Variants in BMP2K observed in about 807,000 individuals in gnomAD.
BMP2K encodes BMP-2-inducible protein kinase.
BMP2K carries 74 observed loss-of-function variants against 116.0 expected under a neutral mutation model. The observed-to-expected ratio is 0.64, with a 90% CI of 0.53 to 0.77. The LOEUF (loss-of-function observed/expected upper bound fraction) is 0.77, where lower values mean the gene tolerates loss of function less well. Ranked by LOEUF, BMP2K falls within the 30% of genes least tolerant of loss-of-function variation. BMP2K has a pLI of 0.00. For missense variants in BMP2K, 1,365 were observed against 1,403.6 expected (o/e 0.97, Z 0.44); for synonymous variants, 486 against 502.5 (o/e 0.97, Z 0.44).
At chr4:78,879,687 T>C (rs527886843) in intron 14 of BMP2K, 1 of 152,500 alleles carries the variant, frequency 6.6e-6, no homozygotes, top group South Asian at 2.1e-4. Context: ...AAAACAAGTG[T>C]GTTTTCCCCT....
intron 10 of BMP2K, among the ~76,000 whole-genome samples, chr4:78,866,421 G>A (rs989947924): frequency 6.6e-6 from 1 of 152,114 alleles, no homozygotes; most frequent in Admixed American, 6.5e-5. Flanking sequence ...ATGGTTAAGA[G>A]TGTACGTTTT....
At chr4:78,886,284 T>C (rs1242438028) in intron 14 of BMP2K, among the ~76,000 whole-genome samples, 1 of 152,200 alleles carries the variant, frequency 6.6e-6, no homozygotes, top group East Asian at 1.9e-4. Flanking sequence ...TACCTGATTG[T>C]TCTTTCCTAG....
intron 1 of BMP2K, among the ~76,000 whole-genome samples, chr4:78,798,074 C>T (rs1010076109): frequency 1.3e-5 from 2 of 152,156 alleles, no homozygotes; most frequent in African/African-American, 4.8e-5. Flanking sequence ...CCCTTGGCCT[C>T]CCAAAGTGTT....
intron 3 of BMP2K, among the ~76,000 whole-genome samples, chr4:78,841,081 G>C (rs1332334466): frequency 6.6e-6 from 1 of 152,132 alleles, no homozygotes; most frequent in African/African-American, 2.4e-5. Flanking sequence ...AGTTACACCT[G>C]AGTTTTCTGA....
Position 78,814,221 on chromosome 4 carries a change from C to G in BMP2K, c.179-11816C>G, listed in dbSNP as rs575915915. Among the ~76,000 whole-genome samples, 4 of 152,292 alleles carry G rather than the reference C, an allele frequency of 2.6e-5. No individual in the cohort carries two copies. In the East Asian group the frequency reaches 7.7e-4, roughly 29 times the overall value. ...CTTTTTGAGTTAAAAATGGCATTTTCTTTTTCTCATGCTCATGCCGTTGCA... is the reference window on the plus strand; with the variant it reads ...CTTTTTGAGTTAAAAATGGCATTTTGTTTTTCTCATGCTCATGCCGTTGCA... On this transcript the variant is annotated intron_variant, in intron 1 of 15. Coordinates refer to ENST00000502613, the MANE Select transcript of BMP2K (RefSeq NM_198892.2).
intron 5 of BMP2K, among the ~76,000 whole-genome samples, chr4:78,846,500 T>C (rs1731006460): frequency 6.6e-6 from 1 of 151,678 alleles, no homozygotes; most frequent in Admixed American, 6.6e-5. Flanking sequence ...TCCATTCATC[T>C]TCTGAGCATT....
At chr4:78,792,656 A>G (rs1163561226) in intron 1 of BMP2K, among the ~76,000 whole-genome samples, 1 of 151,996 alleles carries the variant, frequency 6.6e-6, no homozygotes, top group African/African-American at 2.4e-5. Context: ...TAATATGAAC[A>G]AATGTGATTT....
At chr4:78,794,657 G>A (rs1578472255) in intron 1 of BMP2K, among the ~76,000 whole-genome samples, 1 of 151,978 alleles carries the variant, frequency 6.6e-6, no homozygotes, top group South Asian at 2.1e-4. Context: ...TGACCTCCCG[G>A]GCTCAAGCGA....
intron 1 of BMP2K, among the ~76,000 whole-genome samples, chr4:78,780,716 G>A (rs150226252): frequency 2.3e-4 from 35 of 152,280 alleles, no homozygotes; most frequent in African/African-American, 7.7e-4. Flanking sequence ...GCACTGCTAG[G>A]TGCTACTTAA....
rs958157640 is a variant in BMP2K at position 78,870,715 on chromosome 4, A to T, written c.1232-68A>T. On this transcript the variant is annotated intron_variant, in intron 10 of 15. Coordinates refer to ENST00000502613, the MANE Select transcript of BMP2K (RefSeq NM_198892.2). ...TAGTTAAATTATTATTGAAATGAGC[A>T]TGTTGAAATCCAGCTTTTTAATTGA... 32 of 1,530,148 alleles carry T rather than the reference A, an allele frequency of 2.1e-5. No individual in the cohort carries two copies. In the East Asian group the frequency reaches 7.0e-4, roughly 34 times the overall value. 94.8% of individuals were successfully genotyped at this position (1,530,148 alleles called of 1,614,324 possible). A position where few individuals can be genotyped will look rare whatever the true frequency, so the allele number is the denominator to read the frequency against.
chr4:78,794,362 G>A (rs1215330020), intron 1 of BMP2K, among the ~76,000 whole-genome samples: 1 of 152,078 alleles, frequency 6.6e-6, no homozygotes, highest in East Asian at 1.9e-4. Flanking sequence ...AAACGGACCC[G>A]AGAACCTCAG....
intron 13 of BMP2K, among the ~76,000 whole-genome samples, chr4:78,873,223 A>G (rs898438812): frequency 2.0e-5 from 3 of 152,202 alleles, no homozygotes; most frequent in African/African-American, 7.2e-5. Flanking sequence ...AATAGGTATA[A>G]ACATTTTTAC....
intron 10 of BMP2K, 28 bp from the exon 11 acceptor site, chr4:78,870,755 T>G (rs1732289455): frequency 1.9e-6 from 3 of 1,585,826 alleles, no homozygotes; most frequent in Middle Eastern, 1.7e-4. Context: ...ATTAGTATGT[T>G]AATGTAAGTG....
In BMP2K at chr4:78,833,694, AT is replaced by A; in HGVS notation, c.403+14del. On this transcript the variant is annotated splice_region_variant and intron_variant, in intron 3 of 15. Coordinates refer to ENST00000502613, the MANE Select transcript of BMP2K (RefSeq NM_198892.2). ...TTAATGGAATATTGTCGAGGTAAGT[AT>A]TTTTTTGCATTTGTACTGTAATAAA... 2 of 1,579,588 alleles carry A rather than the reference AT, an allele frequency of 1.3e-6. No homozygotes were observed. Among genetic ancestry groups the A allele is most frequent in the South Asian group, 1.2e-5 (1 of 86,652 alleles).
intron 1 of BMP2K, among the ~76,000 whole-genome samples, chr4:78,781,828 C>T (rs147024381): frequency 2.6e-5 from 4 of 152,214 alleles, no homozygotes; most frequent in South Asian, 2.1e-4. Flanking sequence ...TCAGGAACCA[C>T]GTCTTGAGTA....
At chr4:78,843,066 A>G (rs559119769) in intron 4 of BMP2K, among the ~76,000 whole-genome samples, 1 of 152,050 alleles carries the variant, frequency 6.6e-6, no homozygotes, top group South Asian at 2.1e-4. Flanking sequence ...ATTGGTACCC[A>G]CTTGTTACAT....
intron 6 of BMP2K, among the ~76,000 whole-genome samples, chr4:78,849,783 AT>A (rs1189592382): frequency 6.6e-6 from 1 of 151,656 alleles, no homozygotes; most frequent in Non-Finnish European, 1.5e-5. Context: ...ACATTTTGAA[AT>A]TTTTAGAGCT....
rs1195104114 is a variant in BMP2K at position 78,859,691 on chromosome 4, A to G, written c.987+4A>G. The G allele has an allele frequency of 6.5e-7, 1 of 1,545,402 alleles. No homozygotes were observed. The highest frequency in any genetic ancestry group is 1.7e-5 in the Admixed American group (1 of 58,300). ...TTGTCCAGTCTCCAACATCAATGTA[A>G]GTAGATTTTCAAGTAGGATATGAAT... is the stretch of plus-strand genomic sequence containing the variant. On this transcript the variant is annotated splice_donor_region_variant and intron_variant, in intron 8 of 15. Coordinates refer to ENST00000502613, the MANE Select transcript of BMP2K (RefSeq NM_198892.2).
At position 78,859,631 on chromosome 4, in the gene BMP2K, G is replaced by A; in HGVS notation, c.931G>A (p.Val311Met). 1 of 1,610,954 alleles carries A rather than the reference G, an allele frequency of 6.2e-7. No homozygotes were observed. Among genetic ancestry groups the A allele is most frequent in the Non-Finnish European group, 8.5e-7 (1 of 1,178,350 alleles). ...GGAACATAGACCTGATATATTTCAA[G>A]TGTCATATTTTGCATTTAAATTTGC... ...DPEHRPDIFQ[V>M]SYFAFKFAKK... The change falls in exon 8 of 16, where the codon GTG (valine) becomes ATG (methionine). Residue 311 changes from valine to methionine, a missense_variant. Val to Met is a conservative substitution (Grantham distance 21). Coordinates refer to ENST00000502613, the MANE Select transcript of BMP2K (RefSeq NM_198892.2).
Sources: gnomAD v4.1 joint callset for allele counts (sites outside exome capture counted in the v4.1 genomes callset) on GRCh38, gnomAD v4.1.1 for gene constraint, MANE v1.5 for transcripts, NCBI Gene and HGNC (gene_info 2026-07-23, HGNC 2026-07-21) for gene names.